WNK1: variants seen among roughly 807,000 people sequenced by gnomAD.
The protein encoded by WNK1 is serine/threonine-protein kinase WNK1.
In WNK1, 38 loss-of-function variants were observed where a neutral mutation model predicts 222.8. The observed-to-expected ratio is 0.17, with a 90% CI of 0.13 to 0.22. WNK1 has a LOEUF of 0.22. Among genes scored for constraint, WNK1 ranks in the 10% least tolerant of loss-of-function variants. The probability of loss-of-function intolerance (pLI) is 1.00; values close to 1 mark genes in which losing one functional copy is unlikely to be tolerated. For missense variants in WNK1, 2,348 were observed against 2,918.4 expected (o/e 0.80, Z 4.50); for synonymous variants, 1,090 against 1,092.9 (o/e 1.00, Z 0.05).
At position 897,696 on chromosome 12, in the gene WNK1, A is replaced by G; in HGVS notation, c.6448+15A>G. 1 of 1,613,262 alleles carries G rather than the reference A, an allele frequency of 6.2e-7. No homozygotes were observed. Among genetic ancestry groups the G allele is most frequent in the South Asian group, 1.1e-5 (1 of 91,044 alleles). On this transcript the variant is annotated intron_variant, in intron 25 of 27. Coordinates refer to ENST00000315939, the MANE Select transcript of WNK1 (RefSeq NM_018979.4). Reference sequence around the variant, plus strand: ...CCAGCTTTCAGGTAAAAAGCCCTGGACTAGGTCAGCCACAGCTGTCCTATC... The same window carrying G: ...CCAGCTTTCAGGTAAAAAGCCCTGGGCTAGGTCAGCCACAGCTGTCCTATC...
At chr12:802,593 T>C (rs1945991747) in intron 1 of WNK1, among the ~76,000 whole-genome samples, 1 of 152,200 alleles carries the variant, frequency 6.6e-6, no homozygotes, top group Non-Finnish European at 1.5e-5. Context: ...TGAATCTTTT[T>C]TTCCCTCTAG....
At chr12:780,502 T>C (rs188639526) in intron 1 of WNK1, among the ~76,000 whole-genome samples, 1 of 152,188 alleles carries the variant, frequency 6.6e-6, no homozygotes, top group Admixed American at 6.5e-5. Flanking sequence ...CTGAGCATAA[T>C]GGGAAAAGAA....
At position 879,608 on chromosome 12, in the gene WNK1, C is replaced by T. The variant is rs1358469770; in HGVS notation, c.2409C>T (p.Gly803=). Residue 803 remains glycine, a synonymous_variant, in exon 11 of 28, where the codon GGC becomes GGT. Transcript: ENST00000315939. ...PVSQPVPTIQ[G]EPQIPVATQP... is the part of the protein sequence containing the mutation. ...CCCAGCCAGTACCAACTATCCAAGG[C>T]GAACCTCAGATCCCAGTTGCGACAC... is the stretch of plus-strand genomic sequence containing the variant. The T allele has an allele frequency of 4.3e-6, 7 of 1,609,600 alleles. No homozygotes were observed. The highest frequency in any genetic ancestry group is 1.4e-5 in the African/African-American group (1 of 73,422).
At chr12:809,118 T>C (rs1389261792) in intron 1 of WNK1, among the ~76,000 whole-genome samples, 2 of 151,690 alleles carry the variant, frequency 1.3e-5, no homozygotes, top group Admixed American at 6.6e-5. Flanking sequence ...ACAGAAACTT[T>C]TTGTAAATAA....
intron 4 of WNK1, among the ~76,000 whole-genome samples, chr12:834,879 A>G (rs940774532): frequency 4.6e-5 from 7 of 152,220 alleles, no homozygotes; most frequent in Admixed American, 4.6e-4. Flanking sequence ...ATAATTGTGA[A>G]GCAGCACCAG....
chr12:862,864 G>C (rs201008464), intron 8 of WNK1, among the ~76,000 whole-genome samples: 25 of 152,128 alleles, frequency 1.6e-4, no homozygotes, highest in East Asian at 1.5e-3. Context: ...CCCTTTAGTT[G>C]GTAACTGTTT....
At chr12:805,600 T>C (rs1177531652) in intron 1 of WNK1, among the ~76,000 whole-genome samples, 2 of 152,208 alleles carry the variant, frequency 1.3e-5, no homozygotes, top group African/African-American at 2.4e-5. Context: ...CTTAGTCTTA[T>C]GTGAGAGTAT....
intron 1 of WNK1, among the ~76,000 whole-genome samples, chr12:802,722 T>G (rs551902810): frequency 4.6e-5 from 7 of 152,308 alleles, no homozygotes; most frequent in Admixed American, 3.3e-4. Context: ...AGTTTAAAGG[T>G]TAAGACTGGG....
rs1332749968 is a variant in WNK1 at position 897,609 on chromosome 12, C to A, written c.6376C>A (p.Arg2126=). Residue 2126 remains arginine, a synonymous_variant, in exon 25 of 28, where the codon CGA becomes AGA. Transcript: ENST00000315939. ...PAAPLSGRRR[R]PTKSKGSKSS... ...TGCTCCCCTTTCAGGGAGAAGACGA[C>A]GACCCACTAAAAGCAAAGGCAGCAA... The A allele has an allele frequency of 1.2e-6, 2 of 1,614,160 alleles. No individual in the cohort carries two copies. The highest frequency in any genetic ancestry group is 2.2e-5 in the East Asian group (1 of 44,882).
At position 879,608 on chromosome 12, in the gene WNK1, C is replaced by A. The variant is rs1358469770; in HGVS notation, c.2409C>A (p.Gly803=). 2 of 1,609,684 alleles carry A rather than the reference C, an allele frequency of 1.2e-6. No homozygotes were observed. The highest frequency in any genetic ancestry group is 4.5e-5 in the East Asian group (2 of 44,706). ...CCCAGCCAGTACCAACTATCCAAGGCGAACCTCAGATCCCAGTTGCGACAC... is the reference window on the plus strand; with the variant it reads ...CCCAGCCAGTACCAACTATCCAAGGAGAACCTCAGATCCCAGTTGCGACAC... The part of the protein sequence containing the change: ...PVSQPVPTIQ[G]EPQIPVATQP... The change falls in exon 11 of 28, where the codon GGC becomes GGA. Residue 803 remains glycine (G), a synonymous_variant. Transcript: ENST00000315939.
chr12:808,561 A>G (rs1211131038), intron 1 of WNK1, among the ~76,000 whole-genome samples: 7 of 151,810 alleles, frequency 4.6e-5, no homozygotes, highest in Non-Finnish European at 4.4e-5. Context: ...GCATTAACCT[A>G]AAGCTTCCTG....
At chr12:767,258 T>TTTTTTTTTTTTTTTTTG (rs1941863861) in intron 1 of WNK1, among the ~76,000 whole-genome samples, 1 of 64,006 alleles carries the variant, frequency 1.6e-5, no homozygotes, top group African/African-American at 4.9e-5. Context: ...TTTTTTTTTT[T>TTTTTTTTTTTTTTTTTG]TTTTTTTTTT....
intron 22 of WNK1, among the ~76,000 whole-genome samples, chr12:890,743 G>A (rs2154090314): frequency 6.6e-6 from 1 of 152,344 alleles, no homozygotes; most frequent in Admixed American, 6.5e-5. Flanking sequence ...TATTAGCTAT[G>A]CCAGATCCTT....
At chr12:876,837 T>A (rs976648257) in intron 9 of WNK1, among the ~76,000 whole-genome samples, 6 of 152,058 alleles carry the variant, frequency 3.9e-5, no homozygotes, top group African/African-American at 1.4e-4. Context: ...AAAAGAAAAC[T>A]ATGTGAAAAT....
chr12:789,907 CA>C (rs1220055695), intron 1 of WNK1, among the ~76,000 whole-genome samples: 3 of 152,158 alleles, frequency 2.0e-5, no homozygotes, highest in African/African-American at 7.2e-5. Flanking sequence ...ATTTCTTTAA[CA>C]ATGCTTCATA....
chr12:761,502 CT>C, intron 1 of WNK1, among the ~76,000 whole-genome samples: 1 of 147,932 alleles, frequency 6.8e-6, no homozygotes, highest in South Asian at 2.2e-4. Context: ...CTGCAGATAC[CT>C]TTTGTGCAGC....
chr12:874,670 A>G (rs1267051730), intron 9 of WNK1, among the ~76,000 whole-genome samples: 2 of 152,194 alleles, frequency 1.3e-5, no homozygotes, highest in African/African-American at 2.4e-5. Flanking sequence ...AGCTAATATT[A>G]AAGTGCTTTG....
chr12:868,772 C>T lies in WNK1; in HGVS notation c.2140-2493C>T, dbSNP rs111033590. 6.2e-6 allele frequency: 10 copies of T among 1,614,006 alleles called. No homozygotes were observed. Among genetic ancestry groups the T allele is most frequent in the Non-Finnish European group, 8.5e-6 (10 of 1,179,888 alleles). On this transcript the variant is annotated intron_variant, in intron 8 of 27. Coordinates refer to ENST00000315939, the MANE Select transcript of WNK1 (RefSeq NM_018979.4). Reference sequence around the variant, plus strand: ...ATCAGTTGGATTACATGGCTACTTGCAGCCTGTGACTGAAGAAAAGCATAA... The same window carrying T: ...ATCAGTTGGATTACATGGCTACTTGTAGCCTGTGACTGAAGAAAAGCATAA...
At chr12:776,958 CA>C (rs1943173317) in intron 1 of WNK1, among the ~76,000 whole-genome samples, 1 of 152,126 alleles carries the variant, frequency 6.6e-6, no homozygotes, top group Admixed American at 6.5e-5. Flanking sequence ...AGTAGCTATT[CA>C]TTCAGAAGTG....
Sources: allele counts gnomAD v4.1 joint callset (sites outside exome capture counted in the v4.1 genomes callset), GRCh38; gene constraint gnomAD v4.1.1; transcripts MANE v1.5; gene names NCBI Gene and HGNC (gene_info 2026-07-23, HGNC 2026-07-21).